Variants in PIGR observed in about 807,000 individuals in gnomAD.
PIGR encodes hepatocellular carcinoma associated protein TB6.
A neutral mutation model predicts 69.5 loss-of-function variants in PIGR; 22 were observed. That is an observed-to-expected ratio of 0.32 (90% CI 0.23 to 0.45). PIGR has a LOEUF of 0.45. Ranked by LOEUF, PIGR falls within the 20% of genes least tolerant of loss-of-function variation. The pLI, the probability that PIGR is intolerant of heterozygous loss-of-function variation, is 1.00. For missense variants in PIGR, 885 were observed against 974.0 expected (o/e 0.91, Z 1.22); for synonymous variants, 413 against 407.6 (o/e 1.01, Z -0.16).
intron 1 of PIGR, among the ~76,000 whole-genome samples, chr1:206,943,356 C>A (rs970958357): frequency 6.6e-6 from 1 of 152,136 alleles, no homozygotes; most frequent in Admixed American, 6.5e-5. Context: ...TTTAAATGAG[C>A]AAAGGGACCT....
At chr1:206,939,601 A>G (rs924800984) in intron 2 of PIGR, 138 bp from the exon 3 acceptor site, 1 of 566,754 alleles carries the variant, frequency 1.8e-6, no homozygotes, top group Non-Finnish European at 3.1e-6. Flanking sequence ...TCACAGCTGG[A>G]AAATTGCTGA....
In PIGR at chr1:206,937,221, A is replaced by G; in HGVS notation, c.919T>C (p.Ser307Pro). ...AGGCCTGTGATCACCACACTGAATG[A>G]GCCATCCTTGTCCTGGGGGTTGAGC... The part of the protein sequence containing the change: ...ILLNPQDKDG[S>P]FSVVITGLRK... The change falls in exon 4 of 11, where the codon TCA becomes CCA. Residue 307 changes from serine (S) to proline (P), a missense_variant. Physicochemically the swap from Ser to Pro is moderately conservative, Grantham distance 74. Coordinates refer to ENST00000356495, the MANE Select transcript of PIGR (RefSeq NM_002644.4). The G allele has an allele frequency of 6.2e-7, 1 of 1,614,136 alleles. No individual in the cohort carries two copies. The highest frequency in any genetic ancestry group is 1.1e-5 in the South Asian group (1 of 91,068).
At position 206,937,078 on chromosome 1, in the gene PIGR, C is replaced by G. The variant is rs764895960; in HGVS notation, c.1045+17G>C. 7 of 1,550,634 alleles carry G rather than the reference C, an allele frequency of 4.5e-6. No homozygotes were observed. The Admixed American group carries it at 5.8e-5, about 13-fold the overall frequency. The stretch of plus-strand genomic sequence containing the variant: ...GAGACTGCCCCACCTACTCCCCCTC[C>G]CTCTCTAGGGTCTTACCCTCATTGA... On this transcript the variant is annotated intron_variant, in intron 4 of 10. Coordinates refer to ENST00000356495, the MANE Select transcript of PIGR (RefSeq NM_002644.4).
intron 2 of PIGR, among the ~76,000 whole-genome samples, chr1:206,939,960 T>C (rs1423416180): frequency 6.6e-6 from 1 of 152,202 alleles, no homozygotes; most frequent in Non-Finnish European, 1.5e-5. Context: ...CCTCAAGCAA[T>C]CCACCCTCCT....
chr1:206,932,951 G>A (rs750063782), intron 7 of PIGR, 35 bp downstream of exon 7: 4 of 1,607,378 alleles, frequency 2.5e-6, no homozygotes, highest in Admixed American at 1.7e-5. Context: ...GCTCTGGGGT[G>A]TTCTCCGAGT....
rs952385262 is a variant in PIGR, at chr1:206,943,300, A to T, written c.-53-2716T>A. Among the ~76,000 whole-genome samples, 5 of 152,250 alleles carry T rather than the reference A, an allele frequency of 3.3e-5. No individual in the cohort carries two copies. In the East Asian group the frequency reaches 9.6e-4, roughly 29 times the overall value. ...GGTTATAGGGATTCTCGACCCCAAGACCCACAGCAGAATCCTAATTTGAGG... is the reference window on the plus strand; with the variant it reads ...GGTTATAGGGATTCTCGACCCCAAGTCCCACAGCAGAATCCTAATTTGAGG... On this transcript the variant is annotated intron_variant, in intron 1 of 10. Transcript: ENST00000356495.
At chr1:206,946,162 C>T (rs1305090372) in intron 1 of PIGR, among the ~76,000 whole-genome samples, 174 bp downstream of exon 1, 1 of 152,174 alleles carries the variant, frequency 6.6e-6, no homozygotes, top group Non-Finnish European at 1.5e-5. Flanking sequence ...CGTCCCACTG[C>T]GATATGCACG....
chr1:206,933,602 A>G (rs941698572), intron 6 of PIGR, among the ~76,000 whole-genome samples: 3 of 152,216 alleles, frequency 2.0e-5, no homozygotes, highest in African/African-American at 4.8e-5. Context: ...AGGGACTACA[A>G]ATACCCTTAT....
rs1248827330 is a variant in PIGR, at chr1:206,937,725, C to A, written c.415G>T (p.Val139Phe). 8.1e-6 allele frequency: 13 copies of A among 1,613,838 alleles called. No individual in the cohort carries two copies. The highest frequency in any genetic ancestry group is 1.0e-5 in the Non-Finnish European group (12 of 1,179,968). The change falls in exon 4 of 11, where the codon GTC becomes TTC. Residue 139 changes from valine (V) to phenylalanine (F), a missense_variant. By Grantham distance (50) the Val-to-Phe change is conservative (BLOSUM62 -1). Coordinates refer to ENST00000356495, the MANE Select transcript of PIGR (RefSeq NM_002644.4). Reference sequence around the variant, plus strand: ...GTTCTGCCCAGGTCCACTGTGTAGACTTTAGTGTCATTTAGGAGCCCAGGA... The same window carrying A: ...GTTCTGCCCAGGTCCACTGTGTAGAATTTAGTGTCATTTAGGAGCCCAGGA... ...QGPGLLNDTK[V>F]YTVDLGRTVT...
In PIGR at chr1:206,934,721, C is replaced by A. The variant is rs750491260; in HGVS notation, c.1404G>T (p.Gly468=). ...IEGEPNLKVP[G]NVTAVLGETL... ...TCTCTCCCAGCACAGCCGTGACATT[C>A]CCTGGTACCTTGAGGTTTGGTTCTC... Residue 468 remains glycine (G), a synonymous_variant, in exon 6 of 11, where the codon GGG becomes GGT. Transcript: ENST00000356495. 6.2e-7 allele frequency: 1 copy of A among 1,608,658 alleles called. No individual in the cohort carries two copies. Among genetic ancestry groups the A allele is most frequent in the East Asian group, 2.2e-5 (1 of 44,880 alleles).
chr1:206,946,338 T>G lies in PIGR; in HGVS notation c.-56A>C, dbSNP rs1680106345. 1 of 152,274 alleles carries G rather than the reference T, an allele frequency of 6.6e-6. No individual in the cohort carries two copies. 9.4% of individuals were successfully genotyped at this position (152,274 alleles called of 1,614,324 possible). On this transcript the variant is annotated splice_region_variant and 5_prime_UTR_variant, in exon 1 of 11. Transcript: ENST00000356495. Reference sequence around the variant, plus strand: ...GATCCCAGAGCAGTAACACTTACTTTTAGCCACTTCCTTCTCTCCCGTTGA... The same window carrying G: ...GATCCCAGAGCAGTAACACTTACTTGTAGCCACTTCCTTCTCTCCCGTTGA...
intron 1 of PIGR, among the ~76,000 whole-genome samples, chr1:206,942,637 C>A (rs1452146401): frequency 6.6e-6 from 1 of 152,176 alleles, no homozygotes; most frequent in Non-Finnish European, 1.5e-5. Context: ...GGGATGCAGC[C>A]CTCCTCTGGA....
rs1679855755 is a variant in PIGR at position 206,935,969 on chromosome 1, T to C, written c.1046-151A>G. 1 of 623,176 alleles carries C rather than the reference T, an allele frequency of 1.6e-6. No homozygotes were observed. Among genetic ancestry groups the C allele is most frequent in the Admixed American group, 3.2e-5 (1 of 31,304 alleles). The allele number at this position is 623,176 out of a possible 1,614,324, so 38.6% of individuals were successfully genotyped here. ...CCTCTTCAGAAAATGAAAAGGAGCT[T>C]TCCTAATGTCACAGAGCCTGCAGCT... On this transcript the variant is annotated intron_variant, in intron 4 of 10. Transcript: ENST00000356495. This position sits in a 1 kb window ranked among gnomAD's most constrained non-coding sequence, Gnocchi z 4.4.
intron 2 of PIGR, 93 bp from the exon 3 acceptor site, chr1:206,939,556 G>T: frequency 1.3e-6 from 1 of 779,742 alleles, no homozygotes; most frequent in Non-Finnish European, 2.1e-6. Context: ...TTTTCTACCT[G>T]ACACGTAGGC....
chr1:206,940,735 C>A (rs891984382), intron 1 of PIGR, among the ~76,000 whole-genome samples, 151 bp from the exon 2 acceptor site: 2 of 152,214 alleles, frequency 1.3e-5, no homozygotes, highest in African/African-American at 4.8e-5. Flanking sequence ...TTTTCCATAA[C>A]AATTCAAAGT....
chr1:206,944,729 C>T (rs1680068652), intron 1 of PIGR, among the ~76,000 whole-genome samples: 3 of 152,148 alleles, frequency 2.0e-5, no homozygotes. Flanking sequence ...AGATGAAGGT[C>T]TCTGCTGAGC....
rs746051190 is a variant in PIGR, at chr1:206,932,997, C to T, written c.1875G>A (p.Val625=). The T allele has an allele frequency of 6.2e-7, 1 of 1,614,124 alleles. No individual in the cohort carries two copies. The highest frequency in any genetic ancestry group is 8.5e-7 in the Non-Finnish European group (1 of 1,180,022). ...RDQADGSRAS[V]DSGSSEEQGG... ...GAATCCTTCCTTACCTGCCGGAATC[C>T]ACAGATGCTCTGCTCCCATCGGCTT... Residue 625 remains valine (V), a synonymous_variant, in exon 7 of 11, where the codon GTG becomes GTA. Coordinates refer to ENST00000356495, the MANE Select transcript of PIGR (RefSeq NM_002644.4).
intron 1 of PIGR, among the ~76,000 whole-genome samples, chr1:206,944,289 A>G (rs888963426): frequency 1.3e-5 from 2 of 152,146 alleles, no homozygotes; most frequent in African/African-American, 4.8e-5. Flanking sequence ...CCTGGCCAAC[A>G]TGGTAAAACC....
chr1:206,935,865 G>T lies in PIGR; in HGVS notation c.1046-47C>A. 1 of 1,449,374 alleles carries T rather than the reference G, an allele frequency of 6.9e-7. No homozygotes were observed. The highest frequency in any genetic ancestry group is 9.4e-7 in the Non-Finnish European group (1 of 1,061,384). The allele number at this position is 1,449,374 out of a possible 1,614,324, so 89.8% of individuals were successfully genotyped here. ...GGATGGGAGGATGGCCACGCAGGAA[G>T]AGCCTTGCGTGGCCTGAGAAGCCTT... On this transcript the variant is annotated intron_variant, in intron 4 of 10. Transcript: ENST00000356495. The surrounding 1 kb of genome is among the most constrained non-coding windows in gnomAD (Gnocchi z 4.4).
Sources: allele counts gnomAD v4.1 joint callset (sites outside exome capture counted in the v4.1 genomes callset), GRCh38; gene constraint gnomAD v4.1.1; non-coding constraint Gnocchi (gnomAD v3.1); transcripts MANE v1.5; gene names NCBI Gene and HGNC (gene_info 2026-07-23, HGNC 2026-07-21).